MVD: variants seen among roughly 807,000 people sequenced by gnomAD.
The protein encoded by MVD is mevalonate diphosphate decarboxylase.
Under a neutral mutation model 42.4 loss-of-function variants are expected in MVD, and 52 were observed. The ratio of observed to expected loss-of-function variants is 1.23; its 90% CI spans 0.98 to 1.55. The LOEUF (loss-of-function observed/expected upper bound fraction) is 1.55. MVD is among the 40% of genes most tolerant of loss of function. MVD has a pLI of 0.00. For synonymous variants in MVD, 287 were observed against 243.2 expected (o/e 1.18, Z -1.68); for missense variants, 663 against 572.1 (o/e 1.16, Z -1.62).
chr16:88,662,022 A>G (rs1908334271), intron 1 of MVD: 1 of 151,976 alleles, frequency 6.6e-6, no homozygotes, highest in African/African-American at 2.4e-5. Context: ...ATATATATCT[A>G]CCATCTGACC....
At chr16:88,655,802 T>G in intron 5 of MVD, 72 bp from the exon 6 acceptor site, 1 of 1,508,664 alleles carries the variant, frequency 6.6e-7, no homozygotes, top group Non-Finnish European at 8.9e-7. Flanking sequence ...CCTCAAACAC[T>G]CGGCCCTCCC....
rs1006007936 is a variant in MVD at position 88,654,543 on chromosome 16, C to A, written c.1013+149G>T. 233 of 715,734 alleles carry A rather than the reference C, an allele frequency of 3.3e-4. 1 individual carries two copies. The highest frequency in any genetic ancestry group is 1.5e-4 in the Admixed American group (4 of 27,184). The allele number at this position is 715,734 out of a possible 1,614,324, so 44.3% of individuals were successfully genotyped here. The stretch of plus-strand genomic sequence containing the variant: ...GCTGTGGGATGGCTCTATGGGGACA[C>A]CCTGCCCGTGGCTCCCACACTCGGG... On this transcript the variant is annotated intron_variant, in intron 8 of 9. Coordinates refer to ENST00000301012, the MANE Select transcript of MVD (RefSeq NM_002461.3).
At position 88,663,045 on chromosome 16, in the gene MVD, A is replaced by G. The variant is rs777732805; in HGVS notation, c.36T>C (p.Cys12=). ...TGACCGCGATGTTGACCGGCGCTGT[A>G]CAAGTGACTGCCGCCAGCGGCTTCT... ...ASEKPLAAVT[C]TAPVNIAVIK... The change falls in exon 1 of 10, where the codon TGT becomes TGC. Residue 12 remains cysteine (C), a synonymous_variant. Coordinates refer to ENST00000301012, the MANE Select transcript of MVD (RefSeq NM_002461.3). 6.2e-7 allele frequency: 1 copy of G among 1,610,474 alleles called. No individual in the cohort carries two copies. The highest frequency in any genetic ancestry group is 8.5e-7 in the Non-Finnish European group (1 of 1,178,886).
At chr16:88,654,479 C>G (rs1041634400) in intron 8 of MVD, among the ~76,000 whole-genome samples, 1 of 152,212 alleles carries the variant, frequency 6.6e-6, no homozygotes, top group African/African-American at 2.4e-5. Context: ...GTTGCTCACA[C>G]ACGCGTGAGC....
chr16:88,653,551 G>T, intron 8 of MVD, 143 bp from the exon 9 acceptor site: 2 of 653,134 alleles, frequency 3.1e-6, no homozygotes, highest in Non-Finnish European at 2.5e-6. Flanking sequence ...TGGCTGCTGT[G>T]GGGACAGGTT....
intron 1 of MVD, 141 bp downstream of exon 1, chr16:88,662,870 C>A: frequency 1.4e-6 from 2 of 1,445,880 alleles, no homozygotes. Flanking sequence ...CACCGCCGCG[C>A]CCCTCCCTGA....
chr16:88,658,580 A>G, intron 2 of MVD, 70 bp downstream of exon 2: 2 of 1,493,878 alleles, frequency 1.3e-6, no homozygotes, highest in Admixed American at 1.8e-5. Flanking sequence ...ACCATACCCA[A>G]CGGGTACCAA....
At chr16:88,655,923 G>C in intron 5 of MVD, 182 bp downstream of exon 5, 6 of 1,104,364 alleles carry the variant, frequency 5.4e-6, no homozygotes, top group Non-Finnish European at 6.3e-6. Flanking sequence ...CCAGCGGGTG[G>C]TGGCGCCCGC....
At chr16:88,652,670 G>T (rs528860781) in intron 9 of MVD, 65 bp from the exon 10 acceptor site, 141 of 1,447,254 alleles carry the variant, frequency 9.7e-5, no homozygotes, top group Non-Finnish European at 1.1e-4. Context: ...CCCAGCATCT[G>T]TAGGGCCGGA....
rs549550183 is a variant in MVD, at chr16:88,661,499, C to T, written c.70+1512G>A. Among the ~76,000 whole-genome samples, 29 of 152,198 alleles carry T rather than the reference C, an allele frequency of 1.9e-4. No homozygotes were observed. In the South Asian group the frequency reaches 6.0e-3, roughly 32 times the overall value. On this transcript the variant is annotated intron_variant, in intron 1 of 9. Coordinates refer to ENST00000301012, the MANE Select transcript of MVD (RefSeq NM_002461.3). ...TCAGCCTCCCCAAGTGCTGGGATTA[C>T]AGGCTTGAGCCAGCGTGCCCAGCCT...
Position 88,656,182 on chromosome 16 carries a change from C to T in MVD, c.526G>A (p.Ala176Thr), listed in dbSNP as rs1406314887. Residue 176 changes from alanine to threonine, a missense_variant, in exon 5 of 10, where the codon GCC (alanine) becomes ACC (threonine). Coordinates refer to ENST00000301012, the MANE Select transcript of MVD (RefSeq NM_002461.3). ...CGAGCGATGCTGTCCTTCCCGTCGG[C>T]CTGCTCTCCCATCTGCCACTCCACA... ...GFVEWQMGEQ[A>T]DGKDSIARQV... is the part of the protein sequence containing the mutation. The T allele has an allele frequency of 5.6e-6, 9 of 1,601,874 alleles. No individual in the cohort carries two copies. The highest frequency in any genetic ancestry group is 2.2e-5 in the East Asian group (1 of 44,880).
chr16:88,655,676 C>G lies in MVD; in HGVS notation c.658G>C (p.Glu220Gln), dbSNP rs1225460246. ...CTTACCCGAAGCAGGGGGCTGGTCT[C>G]CACACTGGCCCGCATGCCCACGGTA... ...GSTVGMRASV[E>Q]TSPLLRFRAE... Residue 220 changes from glutamate to glutamine, a missense_variant, in exon 6 of 10, where the codon GAG becomes CAG. By Grantham distance (29) the Glu-to-Gln change is conservative (BLOSUM62 2). Transcript: ENST00000301012. The G allele has an allele frequency of 1.3e-6, 2 of 1,557,086 alleles. No homozygotes were observed. The highest frequency in any genetic ancestry group is 2.4e-5 in the South Asian group (2 of 84,532).
intron 6 of MVD, 94 bp from the exon 7 acceptor site, chr16:88,655,511 C>A: frequency 6.6e-7 from 1 of 1,510,246 alleles, no homozygotes; most frequent in South Asian, 1.2e-5. Context: ...CCGGCTCGAG[C>A]CCCATCTCTG....
At chr16:88,662,974 C>T in intron 1 of MVD, 37 bp downstream of exon 1, 1 of 1,578,634 alleles carries the variant, frequency 6.3e-7, no homozygotes, top group South Asian at 1.1e-5. Context: ...GCCTCGCTCC[C>T]GGCCATCCCC....
chr16:88,659,489 A>G (rs1368979150), intron 1 of MVD, among the ~76,000 whole-genome samples: 2 of 152,300 alleles, frequency 1.3e-5, no homozygotes, highest in East Asian at 3.9e-4. Context: ...ACTGGGGACA[A>G]CTGAGACCCT....
At chr16:88,662,565 G>A (rs934006791) in intron 1 of MVD, 7 of 757,964 alleles carry the variant, frequency 9.2e-6, no homozygotes, top group Admixed American at 1.1e-4. Context: ...AACGGGGCGA[G>A]GGAGGGACAC....
rs748541115 is a variant in MVD, at chr16:88,658,684, T to C, written c.107A>G (p.Asn36Ser). The C allele has an allele frequency of 7.4e-6, 12 of 1,612,758 alleles. No homozygotes were observed. The South Asian group carries it at 8.8e-5, about 12-fold the overall frequency. The change falls in exon 2 of 10, where the codon AAC (asparagine) becomes AGC (serine). Residue 36 changes from asparagine (N) to serine (S), a missense_variant. Transcript: ENST00000301012. ...GTGCAGAGTGACGCTCAGGGAGGAG[T>C]TGATGGGCAGAACCAGCTCTTCATC... ...KRDEELVLPI[N>S]SSLSVTLHQD...
intron 4 of MVD, 129 bp downstream of exon 4, chr16:88,657,307 C>G: frequency 7.7e-7 from 1 of 1,294,278 alleles, no homozygotes; most frequent in South Asian, 1.3e-5. Flanking sequence ...CCAGAGAGGC[C>G]AGGGAGGCCT....
chr16:88,654,696 C>T lies in MVD; in HGVS notation c.1009G>A (p.Asp337Asn), dbSNP rs377428809. 1.4e-5 allele frequency: 23 copies of T among 1,597,094 alleles called. No homozygotes were observed. The highest frequency in any genetic ancestry group is 3.3e-4 in the Middle Eastern group (2 of 6,026). The change falls in exon 8 of 10, where the codon GAC becomes AAC. Residue 337 changes from aspartate to asparagine, a missense_variant. Asp to Asn is a conservative substitution (Grantham distance 23, BLOSUM62 1). Coordinates refer to ENST00000301012, the MANE Select transcript of MVD (RefSeq NM_002461.3). Reference sequence around the variant, plus strand: ...AGGGGCGGGGTCCACACTCACGTGTCTCCATTCGAGCCTGGGGGAAAGCCG... The same window carrying T: ...AGGGGCGGGGTCCACACTCACGTGTTTCCATTCGAGCCTGGGGGAAAGCCG... ...WHGFPPGSNG[D>N]TFLKGLQVRP...
Sources: gnomAD v4.1 joint callset for allele counts (sites outside exome capture counted in the v4.1 genomes callset) on GRCh38, gnomAD v4.1.1 for gene constraint, MANE v1.5 for transcripts, NCBI Gene and HGNC (gene_info 2026-07-23, HGNC 2026-07-21) for gene names.